The following IPCEF1 variants were observed in gnomAD, a reference collection of about 807,000 sequenced individuals.
IPCEF1 encodes the protein interaction protein for cytohesin exchange factors 1.
IPCEF1 carries 31 observed loss-of-function variants against 50.9 expected under a neutral mutation model. The observed-to-expected ratio is 0.61, with a 90% CI of 0.46 to 0.82. The LOEUF (loss-of-function observed/expected upper bound fraction) is 0.82, where lower values mean the gene tolerates loss of function less well. IPCEF1 is among the 40% of genes least tolerant of loss of function. IPCEF1 has a pLI of 0.00. For missense variants in IPCEF1, 458 were observed against 514.0 expected, an observed-to-expected ratio of 0.89 and a Z score of 1.05; for synonymous variants, 181 against 192.0, an observed-to-expected ratio of 0.94 and a Z score of 0.47.
chr6:154,193,286 A>G (rs1349856749), intron 10 of IPCEF1, among the ~76,000 whole-genome samples: 3 of 152,192 alleles, frequency 2.0e-5, no homozygotes, highest in South Asian at 4.1e-4. Context: ...CCAAAATTGT[A>G]TGTTCTCACT....
chr6:154,163,777 T>C (rs552052869), intron 11 of IPCEF1, among the ~76,000 whole-genome samples: 1 of 152,326 alleles, frequency 6.6e-6, no homozygotes, highest in East Asian at 1.9e-4. Context: ...GAGGAAATCC[T>C]TTCCATTAAA....
chr6:154,269,033 A>T (rs1291412306), intron 2 of IPCEF1, among the ~76,000 whole-genome samples: 1 of 152,164 alleles, frequency 6.6e-6, no homozygotes, highest in Admixed American at 6.5e-5. Context: ...ACTCTCCATT[A>T]TAATATAACC....
intron 5 of IPCEF1, among the ~76,000 whole-genome samples, chr6:154,234,836 A>T (rs1466058258): frequency 6.6e-6 from 1 of 152,234 alleles, no homozygotes; most frequent in Admixed American, 6.5e-5. Flanking sequence ...ACCTTCTGAA[A>T]TGTAATTTTA....
chr6:154,187,653 C>G (rs972920092), intron 10 of IPCEF1, among the ~76,000 whole-genome samples: 1 of 152,190 alleles, frequency 6.6e-6, no homozygotes, highest in Non-Finnish European at 1.5e-5. Context: ...CATCATGTCT[C>G]ACTCAACCCT....
chr6:154,302,283 C>T (rs1054657838), intron 1 of IPCEF1, among the ~76,000 whole-genome samples: 3 of 152,170 alleles, frequency 2.0e-5, no homozygotes, highest in South Asian at 2.1e-4. Flanking sequence ...CTCTGAGTCA[C>T]GCTCACTTCG....
chr6:154,293,529 A>C lies in IPCEF1; in HGVS notation c.-61-3773T>G, dbSNP rs144386304. 1.8e-3 allele frequency among the ~76,000 whole-genome samples: 267 copies of C among 152,352 alleles called. 2 individuals carry two copies. The Middle Eastern group carries it at 0.02, about 12-fold the overall frequency. Reference sequence around the variant, plus strand: ...TGATCTGAATATCTCACTTCAAAGCAAAAGAGCAATTAGAGCCATTTAAAA... The same window carrying C: ...TGATCTGAATATCTCACTTCAAAGCCAAAGAGCAATTAGAGCCATTTAAAA... On this transcript the variant is annotated intron_variant, in intron 1 of 11. Transcript: ENST00000367220.
chr6:154,218,467 G>A (rs1330153609), intron 7 of IPCEF1, among the ~76,000 whole-genome samples: 1 of 152,082 alleles, frequency 6.6e-6, no homozygotes. Context: ...AAATGCAGTT[G>A]CCCAGGGAGA....
intron 3 of IPCEF1, among the ~76,000 whole-genome samples, chr6:154,256,810 A>C (rs530303072): frequency 6.6e-6 from 1 of 152,220 alleles, no homozygotes; most frequent in African/African-American, 2.4e-5. Context: ...AGCAGTATGC[A>C]TTCAGTAGAA....
intron 7 of IPCEF1, among the ~76,000 whole-genome samples, chr6:154,214,661 T>C (rs1778240178): frequency 6.6e-6 from 1 of 152,220 alleles, no homozygotes; most frequent in South Asian, 2.1e-4. Context: ...CTTAATAATG[T>C]CTTAATAATG....
intron 5 of IPCEF1, among the ~76,000 whole-genome samples, chr6:154,229,524 T>C (rs1470230384): frequency 6.8e-6 from 1 of 147,678 alleles, no homozygotes; most frequent in Non-Finnish European, 1.5e-5. Context: ...TCATTTTTTG[T>C]ATTTTTTTTT....
intron 9 of IPCEF1, among the ~76,000 whole-genome samples, chr6:154,205,487 T>C (rs1777416312): frequency 6.6e-6 from 1 of 152,006 alleles, no homozygotes; most frequent in African/African-American, 2.4e-5. Context: ...CCCAGCTACT[T>C]GGGAGGCTGA....
At chr6:154,182,660 G>A (rs927115864) in intron 10 of IPCEF1, among the ~76,000 whole-genome samples, 1 of 152,092 alleles carries the variant, frequency 6.6e-6, no homozygotes, top group Non-Finnish European at 1.5e-5. Context: ...CGTTTATGAG[G>A]TATCAGTTGA....
chr6:154,257,246 C>T (rs1320847942), intron 3 of IPCEF1, among the ~76,000 whole-genome samples: 1 of 152,166 alleles, frequency 6.6e-6, no homozygotes, highest in Non-Finnish European at 1.5e-5. Context: ...CTCCATTTAT[C>T]TTTAGCTCCT....
At chr6:154,194,754 G>A (rs548909692) in intron 10 of IPCEF1, among the ~76,000 whole-genome samples, 1 of 152,096 alleles carries the variant, frequency 6.6e-6, no homozygotes, top group African/African-American at 2.4e-5. Flanking sequence ...AAATCTGCAG[G>A]TAACCTAATC....
chr6:154,353,046 GCCAGCCCCAGTGGGA>G (rs1784144083), intron 1 of IPCEF1, among the ~76,000 whole-genome samples: 1 of 152,106 alleles, frequency 6.6e-6, no homozygotes, highest in African/African-American at 2.4e-5. Context: ...AATCAGACCA[GCCAGCCCCAGTGGGA>G]CCACGTTTCC....
intron 3 of IPCEF1, among the ~76,000 whole-genome samples, chr6:154,256,374 T>C (rs1562568585): frequency 6.6e-6 from 1 of 152,030 alleles, no homozygotes; most frequent in East Asian, 1.9e-4. Context: ...GGATTAGGGG[T>C]TCTATGTATA....
intron 1 of IPCEF1, among the ~76,000 whole-genome samples, chr6:154,307,789 G>T (rs957026708): frequency 6.6e-6 from 1 of 152,100 alleles, no homozygotes; most frequent in Non-Finnish European, 1.5e-5. Flanking sequence ...CCTACTCTTT[G>T]CTTCAAACAC....
chr6:154,238,431 A>G (rs1273093893), intron 5 of IPCEF1, among the ~76,000 whole-genome samples: 7 of 151,862 alleles, frequency 4.6e-5, no homozygotes, highest in Admixed American at 4.6e-4. Flanking sequence ...AATTTTGTAT[A>G]TATATATATA....
At chr6:154,346,118 C>A (rs771789691) in intron 1 of IPCEF1, among the ~76,000 whole-genome samples, 3 of 152,162 alleles carry the variant, frequency 2.0e-5, no homozygotes, top group African/African-American at 7.2e-5. Context: ...CCTCTGCCCA[C>A]CTCAGTGTCC....
Sources: allele counts gnomAD v4.1 joint callset (sites outside exome capture counted in the v4.1 genomes callset), GRCh38; gene constraint gnomAD v4.1.1; transcripts MANE v1.5; gene names NCBI Gene and HGNC (gene_info 2026-07-23, HGNC 2026-07-21).